Variants in CLDN2 observed in about 807,000 individuals in gnomAD.
CLDN2 encodes claudin-2.
A neutral mutation model predicts 8.2 loss-of-function variants in CLDN2; 1 was observed. The ratio of observed to expected loss-of-function variants is 0.12; its 90% CI spans 0.04 to 0.58. CLDN2 has a LOEUF of 0.58. Among genes scored for constraint, CLDN2 ranks in the 20% least tolerant of loss-of-function variants. The pLI is 0.90. For synonymous variants in CLDN2, 70 were observed against 70.2 expected (o/e 1.00, Z 0.01); for missense variants, 108 against 172.9 (o/e 0.62, Z 2.11).
In CLDN2 at chrX:106,929,142, T is replaced by C; in HGVS notation, c.*221T>C. 4.7e-6 allele frequency: 2 copies of C among 426,049 alleles called. No homozygotes were observed. The highest frequency in any genetic ancestry group is 4.5e-5 in the South Asian group (1 of 22,061). The allele number at this position is 426,049 out of a possible 1,213,427, so 35.1% of individuals were successfully genotyped here. On this transcript the variant is annotated 3_prime_UTR_variant, in exon 2 of 2. Transcript: ENST00000336803. ...GATGCTCGCCATGCCAGCCTTTCTG[T>C]TTTCCTCACCTTGCTGCTCCCCTGC...
intron 1 of CLDN2, chrX:106,900,836 A>T: frequency 8.3e-7 from 1 of 1,211,665 alleles, no homozygotes; most frequent in Non-Finnish European, 1.1e-6. Context: ...TTGCCTGGAC[A>T]GGAAAGTTCT....
At chrX:106,922,052 T>C (rs758532838) in intron 1 of CLDN2, among the ~76,000 whole-genome samples, 11 of 112,330 alleles carry the variant, frequency 9.8e-5, no homozygotes, top group Non-Finnish European at 2.1e-4. Context: ...AGAGAAGCTA[T>C]AGGACTTCCT....
intron 1 of CLDN2, chrX:106,902,201 C>G: frequency 5.9e-6 from 7 of 1,183,216 alleles, no homozygotes; most frequent in Non-Finnish European, 8.0e-6. Flanking sequence ...CCAGGGCCTC[C>G]AGAGACAAGT....
chrX:106,914,581 G>T (rs1255985074), upstream of CLDN2, among the ~76,000 whole-genome samples: 1 of 111,443 alleles, frequency 9.0e-6, no homozygotes, highest in Non-Finnish European at 1.9e-5. Context: ...ACATTAAAGA[G>T]ATTTGCAAAT....
intron 1 of CLDN2, among the ~76,000 whole-genome samples, chrX:106,921,156 G>A (rs1489689548): frequency 1.8e-5 from 2 of 112,363 alleles, no homozygotes; most frequent in African/African-American, 3.2e-5. Context: ...GATCGTAGGC[G>A]ATTTTTGTTT....
In CLDN2 at chrX:106,903,314, C is replaced by T. The variant is rs753864349; in HGVS notation, c.-179+2810C>T. 2.6e-6 allele frequency: 3 copies of T among 1,174,062 alleles called. No individual in the cohort carries two copies. In the East Asian group the frequency reaches 9.0e-5, roughly 35 times the overall value. On this transcript the variant is annotated intron_variant, in intron 1 of 1. Coordinates refer to the CLDN2 transcript ENST00000541806. ...CTTAGGGGACCAAAGCCAGTGGGGT[C>T]TCCTACTTCCCAGAACCTTCTGCAC... is the stretch of plus-strand genomic sequence containing the variant.
intron 1 of CLDN2, among the ~76,000 whole-genome samples, chrX:106,903,973 G>C (rs1034133846): frequency 2.7e-5 from 3 of 112,467 alleles, no homozygotes; most frequent in African/African-American, 9.7e-5. Context: ...TCCAGCCTCA[G>C]CAGTAAGTGG....
chrX:106,923,988 T>C (rs1391977426), intron 1 of CLDN2, among the ~76,000 whole-genome samples: 1 of 111,394 alleles, frequency 9.0e-6, no homozygotes, highest in Non-Finnish European at 1.9e-5. Flanking sequence ...AAGAATCATT[T>C]TGAGAAGTAG....
At chrX:106,902,305 C>T (rs1933113854) in intron 1 of CLDN2, 14 of 731,887 alleles carry the variant, frequency 1.9e-5, no homozygotes, top group Non-Finnish European at 2.9e-5. Flanking sequence ...AAGCTTGGCT[C>T]AGGTGCCATC....
In CLDN2 at chrX:106,903,172, C is replaced by A. The variant is rs778515799; in HGVS notation, c.-179+2668C>A. The A allele has an allele frequency of 3.3e-6, 4 of 1,209,833 alleles. 1 individual carries two copies. In the Admixed American group the frequency reaches 8.7e-5, roughly 26 times the overall value. On this transcript the variant is annotated intron_variant, in intron 1 of 1. Coordinates refer to the CLDN2 transcript ENST00000541806. The stretch of plus-strand genomic sequence containing the variant: ...TACTTCTTGTCCAGAGGAGAGAAGG[C>A]AAGATGGGCTTAACAGGCCAGGGAG...
chrX:106,921,259 A>T (rs1933388663), intron 1 of CLDN2, among the ~76,000 whole-genome samples: 1 of 112,447 alleles, frequency 8.9e-6, no homozygotes, highest in African/African-American at 3.2e-5. Context: ...TTTTCAAACA[A>T]TAAGAAAATC....
At chrX:106,913,713 G>A (rs1024845984), upstream of CLDN2, among the ~76,000 whole-genome samples, 10 of 110,549 alleles carry the variant, frequency 9.0e-5, no homozygotes, top group Admixed American at 1.9e-4. Flanking sequence ...CTTATCTGGA[G>A]GCTCTGGGGA....
chrX:106,907,607 A>G (rs1933195183), intron 1 of CLDN2, among the ~76,000 whole-genome samples: 1 of 109,660 alleles, frequency 9.1e-6, no homozygotes, highest in Non-Finnish European at 1.9e-5. Flanking sequence ...AGGCTGAGTC[A>G]GGAGAATTGC....
At position 106,930,453 on chromosome X, in the gene CLDN2, T is replaced by C. The variant is rs1685133009; in HGVS notation, c.*1532T>C. 1 of 122,797 alleles carries C rather than the reference T, an allele frequency of 8.1e-6. No individual in the cohort carries two copies. Among genetic ancestry groups the C allele is most frequent in the East Asian group, 2.8e-4 (1 of 3,515 alleles). The allele number at this position is 122,797 out of a possible 1,213,427, so 10.1% of individuals were successfully genotyped here. ...TTCCAGCACACCTCCTCGAACCTCATTGTCAGCAGAGAGGGCCCATCTGTT... is the reference window on the plus strand; with the variant it reads ...TTCCAGCACACCTCCTCGAACCTCACTGTCAGCAGAGAGGGCCCATCTGTT... On this transcript the variant is annotated 3_prime_UTR_variant, in exon 2 of 2. Transcript: ENST00000336803.
intron 1 of CLDN2, chrX:106,901,376 T>C: frequency 7.2e-6 from 6 of 832,078 alleles, no homozygotes; most frequent in Non-Finnish European, 1.1e-5. Flanking sequence ...CGATCATAGA[T>C]AGCAATTCCT....
intron 1 of CLDN2, among the ~76,000 whole-genome samples, chrX:106,902,787 C>T (rs1259466519): frequency 4.5e-5 from 5 of 112,218 alleles, no homozygotes; most frequent in Non-Finnish European, 9.4e-5. Context: ...CTTTGGTCCT[C>T]TTTCCCCAAA....
chrX:106,922,699 C>T (rs1277151443), intron 1 of CLDN2, among the ~76,000 whole-genome samples: 1 of 112,097 alleles, frequency 8.9e-6, no homozygotes, highest in Non-Finnish European at 1.9e-5. Context: ...GATGCATCCT[C>T]AAAGATGATT....
chrX:106,911,321 C>A (rs1933245086), intron 1 of CLDN2, among the ~76,000 whole-genome samples: 1 of 111,992 alleles, frequency 8.9e-6, no homozygotes, highest in African/African-American at 3.2e-5. Context: ...ACATAGCTTC[C>A]ATCCTGCTCA....
intron 1 of CLDN2, among the ~76,000 whole-genome samples, chrX:106,911,739 C>G (rs1328666108): frequency 8.9e-6 from 1 of 112,414 alleles, no homozygotes; most frequent in East Asian, 2.8e-4. Flanking sequence ...CTCCTCGCTC[C>G]CATCAGCACC....
Sources: allele counts gnomAD v4.1 joint callset (sites outside exome capture counted in the v4.1 genomes callset), GRCh38; gene constraint gnomAD v4.1.1; transcripts MANE v1.5; gene names NCBI Gene and HGNC (gene_info 2026-07-23, HGNC 2026-07-21).